Variants in BRINP1 observed in about 807,000 individuals in gnomAD.
BRINP1 encodes BMP/retinoic acid inducible neural specific 1.
BRINP1 carries 17 observed loss-of-function variants against 72.9 expected under a neutral mutation model. The ratio of observed to expected loss-of-function variants is 0.23; its 90% CI spans 0.16 to 0.35. The LOEUF is 0.35. Ranked by LOEUF, BRINP1 falls within the 10% of genes least tolerant of loss-of-function variation. The probability of loss-of-function intolerance (pLI) is 1.00; values close to 1 mark genes in which losing one functional copy is unlikely to be tolerated. For synonymous variants in BRINP1, 418 were observed against 378.5 expected, an observed-to-expected ratio of 1.10 and a Z score of -1.21; for missense variants, 850 against 1,001.6, an observed-to-expected ratio of 0.85 and a Z score of 2.04.
chr9:119,354,315 T>C (rs1831537083), intron 1 of BRINP1, among the ~76,000 whole-genome samples: 1 of 152,148 alleles, frequency 6.6e-6, no homozygotes, highest in Non-Finnish European at 1.5e-5. Context: ...TGTAAACTAA[T>C]GATTTCAAGT....
chr9:119,251,532 C>G (rs914755684), intron 2 of BRINP1, among the ~76,000 whole-genome samples: 11 of 152,172 alleles, frequency 7.2e-5, no homozygotes, highest in Non-Finnish European at 1.5e-4. Flanking sequence ...CACTTGAACT[C>G]AGGAGTTCAA....
At chr9:119,187,826 A>T (rs2118845833) in intron 7 of BRINP1, among the ~76,000 whole-genome samples, 1 of 152,326 alleles carries the variant, frequency 6.6e-6, no homozygotes, top group Non-Finnish European at 1.5e-5. Flanking sequence ...AAATTAATAA[A>T]ACTTCAAGAT....
chr9:119,185,041 T>C (rs895465911), intron 7 of BRINP1, among the ~76,000 whole-genome samples: 8 of 152,132 alleles, frequency 5.3e-5, no homozygotes, highest in Non-Finnish European at 8.8e-5. Flanking sequence ...GGAAGTCAGA[T>C]GATGAATGGA....
intron 1 of BRINP1, among the ~76,000 whole-genome samples, chr9:119,358,211 A>C (rs1023252199): frequency 5.9e-5 from 9 of 152,186 alleles, no homozygotes; most frequent in Non-Finnish European, 1.3e-4. Flanking sequence ...GTTGATAAAC[A>C]CAGTTCACAC....
At chr9:119,226,113 G>T (rs1830089745) in intron 5 of BRINP1, among the ~76,000 whole-genome samples, 1 of 151,934 alleles carries the variant, frequency 6.6e-6, no homozygotes, top group African/African-American at 2.4e-5. Flanking sequence ...AATGTATCTG[G>T]AATATAATAG....
At chr9:119,313,943 A>G (rs1304468642) in intron 1 of BRINP1, among the ~76,000 whole-genome samples, 1 of 152,222 alleles carries the variant, frequency 6.6e-6, no homozygotes, top group Non-Finnish European at 1.5e-5. Context: ...GCAGGCATGT[A>G]TCCACTGAGC....
intron 7 of BRINP1, among the ~76,000 whole-genome samples, chr9:119,188,934 A>G (rs1218607291): frequency 1.3e-5 from 2 of 152,232 alleles, no homozygotes; most frequent in African/African-American, 4.8e-5. Flanking sequence ...AAATCTATCA[A>G]ATCTCTAGTA....
At chr9:119,190,733 A>G (rs1327042882) in intron 7 of BRINP1, among the ~76,000 whole-genome samples, 1 of 151,996 alleles carries the variant, frequency 6.6e-6, no homozygotes, top group African/African-American at 2.4e-5. Context: ...TCAAAAAATA[A>G]TTGTTACCAA....
At chr9:119,245,356 C>T (rs1448098323) in intron 3 of BRINP1, among the ~76,000 whole-genome samples, 1 of 152,260 alleles carries the variant, frequency 6.6e-6, no homozygotes, top group East Asian at 1.9e-4. Flanking sequence ...GGCATTTGTG[C>T]ACATCTGTTT....
intron 1 of BRINP1, among the ~76,000 whole-genome samples, chr9:119,354,249 G>GA (rs1420241717): frequency 1.3e-5 from 2 of 152,118 alleles, no homozygotes; most frequent in Admixed American, 6.5e-5. Context: ...AAAATTAAAT[G>GA]AAAAAATAGG....
chr9:119,216,433 T>A (rs1032880763), intron 5 of BRINP1, among the ~76,000 whole-genome samples: 2 of 152,202 alleles, frequency 1.3e-5, no homozygotes, highest in Non-Finnish European at 2.9e-5. Flanking sequence ...AGGGCTACTG[T>A]ACAAGGGCAT....
At chr9:119,210,378 T>TA (rs1374507323) in intron 6 of BRINP1, among the ~76,000 whole-genome samples, 2 of 152,196 alleles carry the variant, frequency 1.3e-5, no homozygotes, top group South Asian at 2.1e-4. Flanking sequence ...CATTTTATTT[T>TA]AAAAAATGCT....
At chr9:119,359,149 A>G (rs1831603391) in intron 1 of BRINP1, among the ~76,000 whole-genome samples, 1 of 152,222 alleles carries the variant, frequency 6.6e-6, no homozygotes, top group African/African-American at 2.4e-5. Flanking sequence ...GGCACCTGTC[A>G]TATAAACTAA....
intron 2 of BRINP1, among the ~76,000 whole-genome samples, chr9:119,251,192 T>G (rs537299175): frequency 6.6e-6 from 1 of 152,268 alleles, no homozygotes; most frequent in South Asian, 2.1e-4. Context: ...GTCAATCAAC[T>G]GCACTCAGTG....
intron 1 of BRINP1, among the ~76,000 whole-genome samples, chr9:119,323,760 T>C (rs1831212774): frequency 1.3e-5 from 2 of 152,198 alleles, no homozygotes; most frequent in Admixed American, 1.3e-4. Context: ...TGGCCAAACT[T>C]TATGCCTTGA....
At chr9:119,270,321 C>A (rs990766418) in intron 2 of BRINP1, among the ~76,000 whole-genome samples, 1 of 152,154 alleles carries the variant, frequency 6.6e-6, no homozygotes, top group Non-Finnish European at 1.5e-5. Flanking sequence ...ATGAGTCAGA[C>A]AACCTGACTT....
chr9:119,176,302 C>G (rs1412679498), intron 7 of BRINP1, among the ~76,000 whole-genome samples: 1 of 152,010 alleles, frequency 6.6e-6, no homozygotes, highest in African/African-American at 2.4e-5. Context: ...GTGATGATGA[C>G]GATGATGCTC....
intron 2 of BRINP1, among the ~76,000 whole-genome samples, chr9:119,256,149 C>T (rs1474449665): frequency 6.6e-6 from 1 of 151,994 alleles, no homozygotes; most frequent in Non-Finnish European, 1.5e-5. Context: ...GTTCTACCAC[C>T]TATTGGTTTA....
intron 1 of BRINP1, among the ~76,000 whole-genome samples, chr9:119,355,330 T>C (rs1166670255): frequency 6.6e-6 from 1 of 152,186 alleles, no homozygotes; most frequent in Admixed American, 6.5e-5. Flanking sequence ...ATTTATTGAG[T>C]ACTTACTATA....
Sources: gnomAD v4.1 joint callset for allele counts (sites outside exome capture counted in the v4.1 genomes callset) on GRCh38, gnomAD v4.1.1 for gene constraint, MANE v1.5 for transcripts, NCBI Gene and HGNC (gene_info 2026-07-23, HGNC 2026-07-21) for gene names.